SPMIP2: variants seen among roughly 807,000 people sequenced by gnomAD.
SPMIP2 encodes sperm microtubule inner protein 2.
At chr4:158,896,495 C>T in the SPMIP2 span, among the ~76,000 whole-genome samples, 6 of 152,130 alleles carry the variant, frequency 3.9e-5, no homozygotes, top group Non-Finnish European at 8.8e-5. Flanking sequence ...AGACATTGTA[C>T]ATTTGGGGAA....
chr4:158,995,219 T>C, the SPMIP2 span, among the ~76,000 whole-genome samples: 2 of 152,320 alleles, frequency 1.3e-5, no homozygotes, highest in African/African-American at 4.8e-5. Context: ...GCCTGGACTT[T>C]GTTATTATTC....
At chr4:158,975,690 T>G in the SPMIP2 span, among the ~76,000 whole-genome samples, 1 of 152,232 alleles carries the variant, frequency 6.6e-6, no homozygotes, top group African/African-American at 2.4e-5. Context: ...CATACTATTT[T>G]GGTTATGTAG....
chr4:158,901,127 A>AT, the SPMIP2 span, among the ~76,000 whole-genome samples: 3 of 108,526 alleles, frequency 2.8e-5, no homozygotes, highest in African/African-American at 1.4e-4. Context: ...TCTGGGTTGA[A>AT]ATTTTTTTTT....
the SPMIP2 span, among the ~76,000 whole-genome samples, chr4:159,037,785 T>TACACACAC: frequency 3.3e-4 from 39 of 118,998 alleles, no homozygotes; most frequent in African/African-American, 7.6e-4. Context: ...AAACAATATA[T>TACACACAC]ACACACACAC....
the SPMIP2 span, among the ~76,000 whole-genome samples, chr4:159,051,881 C>T: frequency 6.6e-6 from 1 of 152,134 alleles, no homozygotes; most frequent in Non-Finnish European, 1.5e-5. Flanking sequence ...TTAATATTTA[C>T]TAAGAGTGCT....
the SPMIP2 span, among the ~76,000 whole-genome samples, chr4:158,984,752 A>C: frequency 6.6e-6 from 1 of 152,146 alleles, no homozygotes; most frequent in Admixed American, 6.6e-5. Context: ...CACATTCAAA[A>C]GCTAGCAGAA....
At chr4:158,954,117 G>A in the SPMIP2 span, among the ~76,000 whole-genome samples, 1 of 152,146 alleles carries the variant, frequency 6.6e-6, no homozygotes, top group African/African-American at 2.4e-5. Flanking sequence ...GAGGGGCCAG[G>A]GGCAGAATGA....
the SPMIP2 span, among the ~76,000 whole-genome samples, chr4:158,966,572 T>C: frequency 6.6e-6 from 1 of 152,218 alleles, no homozygotes; most frequent in Non-Finnish European, 1.5e-5. Context: ...GCCTTGTATG[T>C]CACTATCATC....
At chr4:158,971,942 C>T in the SPMIP2 span, among the ~76,000 whole-genome samples, 3 of 152,072 alleles carry the variant, frequency 2.0e-5, no homozygotes, top group Non-Finnish European at 2.9e-5. Context: ...GTAGAAGAGG[C>T]GCAAACAAAG....
the SPMIP2 span, among the ~76,000 whole-genome samples, chr4:158,899,827 T>G: frequency 3.9e-5 from 6 of 152,196 alleles, no homozygotes; most frequent in African/African-American, 1.4e-4. Context: ...TTTGAAGGGT[T>G]TTTTGTGTCT....
At chr4:158,934,374 A>C in the SPMIP2 span, among the ~76,000 whole-genome samples, 1 of 152,160 alleles carries the variant, frequency 6.6e-6, no homozygotes, top group Non-Finnish European at 1.5e-5. Context: ...AGGCATAAGA[A>C]TTGCTTGAAC....
At chr4:159,003,873 A>C in the SPMIP2 span, among the ~76,000 whole-genome samples, 1 of 152,184 alleles carries the variant, frequency 6.6e-6, no homozygotes, top group Non-Finnish European at 1.5e-5. Flanking sequence ...CAAAAATAAG[A>C]ATGCTCTGTG....
the SPMIP2 span, among the ~76,000 whole-genome samples, chr4:159,040,686 G>C: frequency 1.3e-5 from 2 of 151,878 alleles, no homozygotes; most frequent in African/African-American, 4.8e-5. Context: ...GGCTGGTCTT[G>C]AACTCCTGGC....
the SPMIP2 span, among the ~76,000 whole-genome samples, chr4:158,944,938 G>C: frequency 6.6e-6 from 1 of 152,076 alleles, no homozygotes; most frequent in African/African-American, 2.4e-5. Flanking sequence ...ACCTGCCCTT[G>C]TCGCTTTGGG....
chr4:159,063,920 G>A, the SPMIP2 span, among the ~76,000 whole-genome samples: 11 of 152,174 alleles, frequency 7.2e-5, no homozygotes, highest in African/African-American at 1.4e-4. Flanking sequence ...CCAGAAAAAC[G>A]TATGAGGAAA....
the SPMIP2 span, among the ~76,000 whole-genome samples, chr4:159,023,687 C>T: frequency 6.6e-6 from 1 of 152,204 alleles, no homozygotes; most frequent in Non-Finnish European, 1.5e-5. Context: ...CAGGATTAGG[C>T]TCACATGTTA....
the SPMIP2 span, among the ~76,000 whole-genome samples, chr4:158,962,458 C>T: frequency 6.6e-5 from 10 of 152,174 alleles, no homozygotes; most frequent in African/African-American, 2.4e-4. Context: ...TTTGAGAATG[C>T]ATAGACACTA....
the SPMIP2 span, among the ~76,000 whole-genome samples, chr4:158,956,169 A>T: frequency 6.6e-6 from 1 of 152,224 alleles, no homozygotes; most frequent in Non-Finnish European, 1.5e-5. Flanking sequence ...CTTGCCCTCA[A>T]TGTGGGCATC....
chr4:158,971,854 C>A, the SPMIP2 span, among the ~76,000 whole-genome samples: 1 of 152,138 alleles, frequency 6.6e-6, no homozygotes, highest in African/African-American at 2.4e-5. Flanking sequence ...TTAACCAAGG[C>A]CATACACAGC....
Sources: allele counts gnomAD v4.1 joint callset (sites outside exome capture counted in the v4.1 genomes callset), GRCh38; gene constraint gnomAD v4.1.1; transcripts MANE v1.5; gene names NCBI Gene and HGNC (gene_info 2026-07-23, HGNC 2026-07-21).